LUZP2: variants seen among roughly 807,000 people sequenced by gnomAD.
LUZP2 encodes leucine zipper protein 2.
In LUZP2, 52 loss-of-function variants were observed where a neutral mutation model predicts 51.6. The ratio of observed to expected loss-of-function variants is 1.01; its 90% CI spans 0.81 to 1.27. LUZP2 has a LOEUF of 1.27. Among genes scored for constraint, LUZP2 ranks in the 50% most tolerant of loss-of-function variants. The pLI is 0.00. For synonymous variants in LUZP2, 154 were observed against 137.3 expected (o/e 1.12, Z -0.85); for missense variants, 436 against 395.4 (o/e 1.10, Z -0.87).
intron 5 of LUZP2, among the ~76,000 whole-genome samples, chr11:24,771,886 G>C (rs148120766): frequency 6.6e-6 from 1 of 152,026 alleles, no homozygotes; most frequent in African/African-American, 2.4e-5. Flanking sequence ...TTTGCTCCTC[G>C]TTCACCTACC....
At chr11:24,565,181 G>A (rs1250243590) in intron 1 of LUZP2, among the ~76,000 whole-genome samples, 1 of 152,202 alleles carries the variant, frequency 6.6e-6, no homozygotes, top group Non-Finnish European at 1.5e-5. Flanking sequence ...AAGGCTGGAT[G>A]TAGTCGCCCT....
intron 1 of LUZP2, among the ~76,000 whole-genome samples, chr11:24,514,930 A>G (rs1237116528): frequency 1.3e-5 from 2 of 152,160 alleles, no homozygotes; most frequent in African/African-American, 4.8e-5. Context: ...ACATGACTTT[A>G]GGTCAGAGGT....
At chr11:24,681,137 G>A (rs1181561290) in intron 1 of LUZP2, among the ~76,000 whole-genome samples, 21 of 151,536 alleles carry the variant, frequency 1.4e-4, no homozygotes, top group African/African-American at 4.4e-4. Flanking sequence ...GCCCGCCACC[G>A]CGCCCAGCTA....
intron 1 of LUZP2, among the ~76,000 whole-genome samples, chr11:24,695,124 A>G (rs571228444): frequency 1.4e-5 from 2 of 148,040 alleles, no homozygotes; most frequent in Admixed American, 1.4e-4. Context: ...CTCTATTTCA[A>G]CATTGCCTAG....
intron 1 of LUZP2, among the ~76,000 whole-genome samples, chr11:24,505,538 A>G (rs1041355294): frequency 1.3e-5 from 2 of 152,184 alleles, no homozygotes; most frequent in African/African-American, 4.8e-5. Flanking sequence ...TCGACAGTCT[A>G]CATTATCTAA....
intron 1 of LUZP2, among the ~76,000 whole-genome samples, chr11:24,694,779 G>A (rs1857193740): frequency 6.6e-6 from 1 of 152,028 alleles, no homozygotes; most frequent in African/African-American, 2.4e-5. Flanking sequence ...CAGGGACATG[G>A]ATGAAGCTGG....
intron 5 of LUZP2, among the ~76,000 whole-genome samples, chr11:24,813,946 C>T (rs1015524383): frequency 3.9e-5 from 6 of 152,078 alleles, no homozygotes; most frequent in African/African-American, 7.2e-5. Flanking sequence ...ATGTGCAAAC[C>T]GGAAATAATA....
chr11:24,705,718 T>C (rs1185116888), intron 1 of LUZP2, among the ~76,000 whole-genome samples: 1 of 152,162 alleles, frequency 6.6e-6, no homozygotes, highest in Non-Finnish European at 1.5e-5. Context: ...CAACTCACCT[T>C]GATTAATAAA....
At chr11:25,027,351 T>A (rs2404018) in intron 9 of LUZP2, among the ~76,000 whole-genome samples, 88,103 of 151,948 alleles carry the variant, frequency 0.58, 26,663 homozygotes, top group African/African-American at 0.76. Context: ...CTCCTCTTGA[T>A]TAATAATATG....
At chr11:24,965,174 A>G (rs1311947212) in intron 7 of LUZP2, among the ~76,000 whole-genome samples, 1 of 150,852 alleles carries the variant, frequency 6.6e-6, no homozygotes, top group South Asian at 2.1e-4. Flanking sequence ...AAGAGTGGAC[A>G]TGTGAAAATT....
intron 5 of LUZP2, among the ~76,000 whole-genome samples, chr11:24,853,861 C>A (rs1299927195): frequency 6.6e-6 from 1 of 152,158 alleles, no homozygotes; most frequent in African/African-American, 2.4e-5. Flanking sequence ...TGTTAGTTTT[C>A]CTTCTAACAG....
At chr11:24,505,918 A>G (rs767764509) in intron 1 of LUZP2, among the ~76,000 whole-genome samples, 1 of 152,068 alleles carries the variant, frequency 6.6e-6, no homozygotes, top group Non-Finnish European at 1.5e-5. Flanking sequence ...AATATTAAAT[A>G]TAGGTATAAA....
At chr11:24,798,045 CTTTTG>C (rs914148883) in intron 5 of LUZP2, among the ~76,000 whole-genome samples, 7 of 151,990 alleles carry the variant, frequency 4.6e-5, no homozygotes, top group Non-Finnish European at 1.0e-4. Flanking sequence ...TTTTAGTTTT[CTTTTG>C]TTTTGTGTTA....
chr11:24,689,162 A>C (rs953281468), intron 1 of LUZP2, among the ~76,000 whole-genome samples: 1 of 152,152 alleles, frequency 6.6e-6, no homozygotes, highest in African/African-American at 2.4e-5. Flanking sequence ...GACTTGAGAG[A>C]TCCAAGTCCT....
chr11:24,734,895 T>C (rs1209601160), intron 3 of LUZP2, among the ~76,000 whole-genome samples: 1 of 151,886 alleles, frequency 6.6e-6, no homozygotes, highest in Non-Finnish European at 1.5e-5. Flanking sequence ...TTTCTGTTTG[T>C]CCTCAGATCC....
At chr11:24,687,983 G>A (rs923955796) in intron 1 of LUZP2, among the ~76,000 whole-genome samples, 1 of 151,990 alleles carries the variant, frequency 6.6e-6, no homozygotes, top group Non-Finnish European at 1.5e-5. Flanking sequence ...GCTTCACTAA[G>A]TCTCTCTTTC....
intron 1 of LUZP2, among the ~76,000 whole-genome samples, chr11:24,542,226 T>C (rs1282392708): frequency 6.6e-6 from 1 of 152,014 alleles, no homozygotes; most frequent in East Asian, 1.9e-4. Context: ...AGTATTACTA[T>C]CCTCACCCCC....
chr11:24,708,605 G>A (rs1410321231), intron 1 of LUZP2, among the ~76,000 whole-genome samples: 1 of 152,084 alleles, frequency 6.6e-6, no homozygotes, highest in East Asian at 1.9e-4. Flanking sequence ...CCCACTTCTT[G>A]TAGGCCTATA....
At chr11:24,530,481 A>G (rs1412430226) in intron 1 of LUZP2, among the ~76,000 whole-genome samples, 1 of 150,860 alleles carries the variant, frequency 6.6e-6, no homozygotes, top group Non-Finnish European at 1.5e-5. Flanking sequence ...TATAGTAAAC[A>G]TAAACACCCT....
Sources: gnomAD v4.1 joint callset for allele counts (sites outside exome capture counted in the v4.1 genomes callset) on GRCh38, gnomAD v4.1.1 for gene constraint, MANE v1.5 for transcripts, NCBI Gene and HGNC (gene_info 2026-07-23, HGNC 2026-07-21) for gene names.